Variants in IFT140 observed in about 807,000 individuals in gnomAD.
The protein encoded by IFT140 is intraflagellar transport protein 140 homolog.
Under a neutral mutation model 164.6 loss-of-function variants are expected in IFT140, and 133 were observed. The ratio of observed to expected loss-of-function variants is 0.81; its 90% CI spans 0.70 to 0.93. IFT140 has a LOEUF of 0.93. Among genes scored for constraint, IFT140 ranks in the 40% least tolerant of loss-of-function variants. The pLI is 0.00. For synonymous variants in IFT140, 860 were observed against 817.3 expected, an observed-to-expected ratio of 1.05 and a Z score of -0.89; for missense variants, 2,045 against 1,972.3, an observed-to-expected ratio of 1.04 and a Z score of -0.70.
intron 19 of IFT140, among the ~76,000 whole-genome samples, chr16:1,543,662 CAGG>C (rs1265365615): frequency 2.0e-5 from 3 of 152,232 alleles, no homozygotes; most frequent in Non-Finnish European, 4.4e-5. Context: ...ACGAATGAGA[CAGG>C]GATGTGGGAC....
At chr16:1,541,202 T>A in intron 19 of IFT140, 1 of 985,308 alleles carries the variant, frequency 1.0e-6, no homozygotes, top group Non-Finnish European at 1.2e-6. Flanking sequence ...AGGCCTGCTG[T>A]GAGTGGGGAA....
In IFT140 at chr16:1,592,224, T is replaced by C; in HGVS notation, c.586A>G (p.Lys196Glu). Residue 196 changes from lysine to glutamate, a missense_variant, in exon 6 of 31, where the codon AAG becomes GAG. By Grantham distance (56) the Lys-to-Glu change is moderately conservative. Coordinates refer to ENST00000426508, the MANE Select transcript of IFT140 (RefSeq NM_014714.4). ...WKKSSSGSLL[K>E]MGSHEGLLFF... ...AACAGCCCCTCGTGAGACCCCATCT[T>C]CAGCAAACTTCCAGAACTGCTCTTC... is the stretch of plus-strand genomic sequence containing the variant. 2 of 1,614,160 alleles carry C rather than the reference T, an allele frequency of 1.2e-6. No individual in the cohort carries two copies. Among genetic ancestry groups the C allele is most frequent in the Non-Finnish European group, 1.7e-6 (2 of 1,180,034 alleles).
At position 1,612,048 on chromosome 16, in the gene IFT140, C is replaced by T. The variant is rs2036334980; in HGVS notation, c.-302G>A. On this transcript the variant is annotated 5_prime_UTR_variant, in exon 1 of 31. Coordinates refer to ENST00000426508, the MANE Select transcript of IFT140 (RefSeq NM_014714.4). ...CTCCGAGCTACCACGCCGTTTTCTT[C>T]TCACGTATCCGTCAACACTGCTGCG... The T allele has an allele frequency of 6.6e-6, 1 of 152,314 alleles. No homozygotes were observed. The highest frequency in any genetic ancestry group is 2.4e-5 in the African/African-American group (1 of 41,470). 9.4% of individuals were successfully genotyped at this position (152,314 alleles called of 1,614,324 possible). A position where few individuals can be genotyped will look rare whatever the true frequency, so the allele number is the denominator to read the frequency against.
intron 12 of IFT140, among the ~76,000 whole-genome samples, chr16:1,581,575 G>A (rs1012340981): frequency 6.9e-6 from 1 of 144,742 alleles, no homozygotes; most frequent in Non-Finnish European, 1.5e-5. Flanking sequence ...ACTCCAGCCT[G>A]GGTGACACAG....
At chr16:1,552,027 C>T (rs1304660146) in intron 19 of IFT140, among the ~76,000 whole-genome samples, 3 of 152,158 alleles carry the variant, frequency 2.0e-5, no homozygotes, top group Non-Finnish European at 4.4e-5. Context: ...CCACGGCAAC[C>T]GCAGACCGTG....
Position 1,566,043 on chromosome 16 carries a change from T to C in IFT140, c.1901+118A>G, listed in dbSNP as rs918502313. ...CTTCTGTTTTCCTCTTTCTTTTTCC[T>C]ACTGGTGCCTGCTGGGGCCTTTTGA... On this transcript the variant is annotated intron_variant, in intron 16 of 30. Coordinates refer to ENST00000426508, the MANE Select transcript of IFT140 (RefSeq NM_014714.4). The C allele has an allele frequency of 3.4e-5, 30 of 878,050 alleles. No homozygotes were observed. The African/African-American group carries it at 4.0e-4, about 12-fold the overall frequency. 54.4% of individuals were successfully genotyped at this position (878,050 alleles called of 1,614,324 possible). A position where few individuals can be genotyped will look rare whatever the true frequency, so the allele number is the denominator to read the frequency against.
At chr16:1,601,576 C>T (rs2035797540) in intron 4 of IFT140, among the ~76,000 whole-genome samples, 1 of 152,202 alleles carries the variant, frequency 6.6e-6, no homozygotes, top group Non-Finnish European at 1.5e-5. Context: ...GCAGACCTGG[C>T]AGTGGGAACA....
chr16:1,534,341 C>T (rs757721730), intron 19 of IFT140: 33 of 1,612,748 alleles, frequency 2.0e-5, no homozygotes, highest in Middle Eastern at 1.6e-4. Context: ...TCCTCAACAA[C>T]GTGGCGGCCT....
intron 19 of IFT140, among the ~76,000 whole-genome samples, chr16:1,537,324 C>T (rs936101927): frequency 3.9e-5 from 6 of 152,244 alleles, no homozygotes; most frequent in African/African-American, 1.2e-4. Flanking sequence ...TGTCTCCGGA[C>T]GGCTCTGTGC....
intron 19 of IFT140, among the ~76,000 whole-genome samples, chr16:1,547,815 C>T (rs549092387): frequency 9.5e-4 from 144 of 152,134 alleles, no homozygotes; most frequent in Admixed American, 1.8e-3. Context: ...GGATTACAGG[C>T]GTGAGTCACT....
At chr16:1,546,891 CTG>C in intron 19 of IFT140, among the ~76,000 whole-genome samples, 1 of 152,356 alleles carries the variant, frequency 6.6e-6, no homozygotes, top group South Asian at 2.1e-4. Context: ...GGCAGCTGTG[CTG>C]TCTTACTTGG....
At chr16:1,546,018 C>T (rs1338021511) in intron 19 of IFT140, among the ~76,000 whole-genome samples, 1 of 152,260 alleles carries the variant, frequency 6.6e-6, no homozygotes, top group Admixed American at 6.5e-5. Flanking sequence ...GCTCACTCCA[C>T]AGACCCCTAG....
chr16:1,563,637 G>A (rs899719881), intron 17 of IFT140, among the ~76,000 whole-genome samples: 3 of 152,046 alleles, frequency 2.0e-5, no homozygotes, highest in Admixed American at 6.5e-5. Context: ...GCTCAAAACA[G>A]ACCTAGCAAT....
At chr16:1,543,070 C>T (rs902044121) in intron 19 of IFT140, among the ~76,000 whole-genome samples, 3 of 152,230 alleles carry the variant, frequency 2.0e-5, no homozygotes, top group Admixed American at 2.0e-4. Context: ...GCATCTGGGG[C>T]AGGCTCAGGT....
At chr16:1,548,719 C>A (rs145629086) in intron 19 of IFT140, among the ~76,000 whole-genome samples, 4 of 152,302 alleles carry the variant, frequency 2.6e-5, no homozygotes, top group Non-Finnish European at 2.9e-5. Context: ...CCATCTCCCC[C>A]ACGTAGGGAA....
intron 7 of IFT140, 83 bp from the exon 8 acceptor site, chr16:1,588,107 C>T (rs2034988935): frequency 3.7e-6 from 4 of 1,074,932 alleles, no homozygotes; most frequent in Non-Finnish European, 5.6e-6. Flanking sequence ...GTCTCTGGTC[C>T]TCAGTGACTT....
In IFT140 at chr16:1,586,242, A is replaced by G. The variant is rs2034871091; in HGVS notation, c.1043T>C (p.Val348Ala). 6.2e-7 allele frequency: 1 copy of G among 1,613,560 alleles called. No homozygotes were observed. The highest frequency in any genetic ancestry group is 1.7e-5 in the Admixed American group (1 of 59,970). ...LLAAGTDRGRVAMWRKVPDFL... is the reference protein window; with the variant it reads ...LLAAGTDRGRAAMWRKVPDFL... ...GTCTGGTACTTTCCTCCACATGGCT[A>G]CTCGCCCTCTGTCGGTACCAGCGGC... The change falls in exon 10 of 31, where the codon GTA becomes GCA. Residue 348 changes from valine to alanine, a missense_variant. Val to Ala is a moderately conservative substitution (Grantham distance 64). Coordinates refer to ENST00000426508, the MANE Select transcript of IFT140 (RefSeq NM_014714.4).
Position 1,518,277 on chromosome 16 carries a change from C to T in IFT140, c.4121G>A (p.Arg1374His), listed in dbSNP as rs778892732. ...CAGGAAGCCATAGACGTCCCCGATG[C>T]GGATGGTGCTGTCCAGGTCTGGTTC... The part of the protein sequence containing the change: ...LEEPDLDSTI[R>H]IGDVYGFLVE... Residue 1374 changes from arginine (R) to histidine (H), a missense_variant, in exon 30 of 31, where the codon CGC becomes CAC. By Grantham distance (29) the Arg-to-His change is conservative. Transcript: ENST00000426508. 2.2e-5 allele frequency: 35 copies of T among 1,614,018 alleles called. No homozygotes were observed. The highest frequency in any genetic ancestry group is 5.5e-5 in the South Asian group (5 of 91,096).
intron 26 of IFT140, 135 bp from the exon 27 acceptor site, chr16:1,520,943 G>A: frequency 1.4e-6 from 1 of 712,002 alleles, no homozygotes; most frequent in South Asian, 1.9e-5. Context: ...GGTGGGTATG[G>A]AGGGGACAAG....
Sources: gnomAD v4.1 joint callset for allele counts (sites outside exome capture counted in the v4.1 genomes callset) on GRCh38, gnomAD v4.1.1 for gene constraint, MANE v1.5 for transcripts, NCBI Gene and HGNC (gene_info 2026-07-23, HGNC 2026-07-21) for gene names.